Variants in ANKH observed in about 807,000 individuals in gnomAD.
ANKH encodes the protein mineralization regulator ANKH.
Under a neutral mutation model 49.0 loss-of-function variants are expected in ANKH, and 15 were observed. The observed-to-expected ratio is 0.31, with a 90% CI of 0.20 to 0.47. The LOEUF is 0.47. Among genes scored for constraint, ANKH ranks in the 20% least tolerant of loss-of-function variants. ANKH has a pLI of 1.00. For missense variants in ANKH, 429 were observed against 652.0 expected (o/e 0.66, Z 3.72); for synonymous variants, 273 against 260.0 (o/e 1.05, Z -0.48).
chr5:14,870,955 A>C (rs1268993972), intron 1 of ANKH: 2 of 362,472 alleles, frequency 5.5e-6, no homozygotes, highest in Non-Finnish European at 1.1e-5. Context: ...GCATTATAAA[A>C]CAGAATCTCC....
At chr5:14,768,170 T>C (rs1739313107) in intron 2 of ANKH, 1 of 152,278 alleles carries the variant, frequency 6.6e-6, no homozygotes, top group Non-Finnish European at 1.5e-5. Context: ...GGTTAATCTT[T>C]TGGTTCCTTT....
intron 1 of ANKH, among the ~76,000 whole-genome samples, chr5:14,847,936 A>C (rs1213246793): frequency 2.0e-5 from 3 of 152,188 alleles, no homozygotes; most frequent in Non-Finnish European, 2.9e-5. Context: ...TGAGGTCAGG[A>C]GTTTGAGACC....
At chr5:14,732,574 CTA>C (rs1738040050) in intron 8 of ANKH, among the ~76,000 whole-genome samples, 2 of 151,662 alleles carry the variant, frequency 1.3e-5, no homozygotes. Flanking sequence ...CCCTCTTTCC[CTA>C]TGTTAGGGAC....
intron 1 of ANKH, among the ~76,000 whole-genome samples, chr5:14,808,240 T>C (rs532671179): frequency 1.3e-4 from 19 of 150,690 alleles, no homozygotes; most frequent in African/African-American, 4.3e-4. Context: ...CAGCATTTTT[T>C]TCTACATGTA....
At chr5:14,796,437 C>G (rs1279648544) in intron 1 of ANKH, among the ~76,000 whole-genome samples, 1 of 139,656 alleles carries the variant, frequency 7.2e-6, no homozygotes, top group Admixed American at 7.5e-5. Flanking sequence ...ATCTTTACAA[C>G]TTGGCGGTCC....
chr5:14,748,122 G>T (rs1371026497), intron 6 of ANKH, among the ~76,000 whole-genome samples: 1 of 152,030 alleles, frequency 6.6e-6, no homozygotes, highest in Non-Finnish European at 1.5e-5. Context: ...TGGAATTCTA[G>T]CACACAGGTG....
intron 1 of ANKH, among the ~76,000 whole-genome samples, chr5:14,801,846 T>C (rs751060203): frequency 2.0e-5 from 3 of 152,228 alleles, no homozygotes; most frequent in Admixed American, 6.5e-5. Flanking sequence ...GAAAACAATT[T>C]AGAACATTAC....
chr5:14,811,392 G>A (rs899675859), intron 1 of ANKH, among the ~76,000 whole-genome samples: 6 of 152,088 alleles, frequency 3.9e-5, no homozygotes, highest in African/African-American at 1.2e-4. Flanking sequence ...CTTTCCACAC[G>A]AAGCCTCCAT....
At position 14,711,320 on chromosome 5, in the gene ANKH, A is replaced by T. The variant is rs749320579; in HGVS notation, c.1366-10T>A. On this transcript the variant is annotated splice_polypyrimidine_tract_variant and intron_variant, in intron 11 of 11. Coordinates refer to ENST00000284268, the MANE Select transcript of ANKH (RefSeq NM_054027.6). The stretch of plus-strand genomic sequence containing the variant: ...TCTCCATCTTCTTTTTCTAGACCAA[A>T]GAAGACTCATCAGTGTGGGGCTGTG... 6.2e-7 allele frequency: 1 copy of T among 1,611,984 alleles called. No homozygotes were observed. Among genetic ancestry groups the T allele is most frequent in the South Asian group, 1.1e-5 (1 of 91,040 alleles).
In ANKH at chr5:14,765,234, T is replaced by C. The variant is rs560640132; in HGVS notation, c.313+3741A>G. On this transcript the variant is annotated intron_variant, in intron 2 of 11. Coordinates refer to ENST00000284268, the MANE Select transcript of ANKH (RefSeq NM_054027.6). The stretch of plus-strand genomic sequence containing the variant: ...GGCTATGGTTAAGCTAAAAAAGAGA[T>C]ACTTGCAGCTGTTCAACAAGGGCCA... Among the ~76,000 whole-genome samples, 8 of 152,358 alleles carry C rather than the reference T, an allele frequency of 5.3e-5. No homozygotes were observed. In the East Asian group the frequency reaches 7.7e-4, roughly 15 times the overall value.
intron 2 of ANKH, among the ~76,000 whole-genome samples, chr5:14,764,818 T>C (rs1168842768): frequency 6.6e-6 from 1 of 152,236 alleles, no homozygotes; most frequent in African/African-American, 2.4e-5. Context: ...AATGGCTCAC[T>C]GGAAGAGCAC....
intron 1 of ANKH, among the ~76,000 whole-genome samples, chr5:14,837,026 C>T (rs1741675771): frequency 6.6e-6 from 1 of 152,166 alleles, no homozygotes; most frequent in African/African-American, 2.4e-5. Context: ...GAAAAGGATT[C>T]CCTATTTAAT....
chr5:14,736,384 C>CTGG (rs1738182805), intron 8 of ANKH, among the ~76,000 whole-genome samples: 1 of 152,200 alleles, frequency 6.6e-6, no homozygotes, highest in Non-Finnish European at 1.5e-5. Context: ...CAAAAATCAA[C>CTGG]CGGTGGATAA....
intron 7 of ANKH, among the ~76,000 whole-genome samples, chr5:14,744,199 C>G (rs1738455037): frequency 6.6e-6 from 1 of 152,196 alleles, no homozygotes; most frequent in South Asian, 2.1e-4. Context: ...CCTTCTGAGT[C>G]CACTCTCAAA....
chr5:14,735,809 T>C (rs1738160901), intron 8 of ANKH, among the ~76,000 whole-genome samples: 1 of 152,130 alleles, frequency 6.6e-6, no homozygotes, highest in Admixed American at 6.6e-5. Flanking sequence ...GAACCTCATC[T>C]TAACCCTATT....
rs1737165508 is a variant in ANKH at position 14,711,080 on chromosome 5, T to G, written c.*117A>C. 2.1e-6 allele frequency: 2 copies of G among 931,594 alleles called. No individual in the cohort carries two copies. The highest frequency in any genetic ancestry group is 1.3e-5 in the South Asian group (1 of 77,352). The allele number at this position is 931,594 out of a possible 1,614,324, so 57.7% of individuals were successfully genotyped here. A position where few individuals can be genotyped will look rare whatever the true frequency, so the allele number is the denominator to read the frequency against. ...CACGAAACCTTTAAATCAAGGCCTC[T>G]TTCATTACCAAAACAAAACAAAAAA... On this transcript the variant is annotated 3_prime_UTR_variant, in exon 12 of 12. Transcript: ENST00000284268.
At chr5:14,806,278 A>C (rs980884779) in intron 1 of ANKH, among the ~76,000 whole-genome samples, 21 of 151,746 alleles carry the variant, frequency 1.4e-4, no homozygotes, top group African/African-American at 1.9e-4. Context: ...TCAACCCCCC[A>C]AAAAAACTCG....
intron 8 of ANKH, among the ~76,000 whole-genome samples, chr5:14,719,743 G>A (rs970518204): frequency 5.3e-5 from 8 of 152,148 alleles, no homozygotes; most frequent in African/African-American, 1.7e-4. Context: ...GGTGCCTCTC[G>A]GAGTAGGAAA....
chr5:14,749,056 T>A, intron 6 of ANKH, 116 bp downstream of exon 6: 1 of 1,417,054 alleles, frequency 7.1e-7, no homozygotes, highest in East Asian at 2.3e-5. Context: ...GTGACTGTCA[T>A]GTAATTTAAT....
Sources: gnomAD v4.1 joint callset for allele counts (sites outside exome capture counted in the v4.1 genomes callset) on GRCh38, gnomAD v4.1.1 for gene constraint, MANE v1.5 for transcripts, NCBI Gene and HGNC (gene_info 2026-07-23, HGNC 2026-07-21) for gene names.